MYO3A: variants seen among roughly 807,000 people sequenced by gnomAD.
MYO3A encodes myosin-IIIa.
A neutral mutation model predicts 192.7 loss-of-function variants in MYO3A; 180 were observed. That is an observed-to-expected ratio of 0.93 (90% CI 0.83 to 1.06). The LOEUF is 1.06. Ranked by LOEUF, MYO3A falls within the 50% of genes least tolerant of loss-of-function variation. The probability of loss-of-function intolerance (pLI) is 0.00; values close to 1 mark genes in which losing one functional copy is unlikely to be tolerated. For synonymous variants in MYO3A, 628 were observed against 645.3 expected (o/e 0.97, Z 0.41); for missense variants, 1,896 against 1,905.0 (o/e 1.00, Z 0.09).
chr10:25,953,864 C>A (rs1426956091), intron 3 of MYO3A, among the ~76,000 whole-genome samples: 1 of 152,060 alleles, frequency 6.6e-6, no homozygotes, highest in Non-Finnish European at 1.5e-5. Context: ...TACTCTTCAT[C>A]ATGTCACAAG....
At chr10:26,001,714 G>A (rs1161860334) in intron 6 of MYO3A, among the ~76,000 whole-genome samples, 2 of 152,200 alleles carry the variant, frequency 1.3e-5, no homozygotes, top group African/African-American at 4.8e-5. Context: ...AGGCATGGTG[G>A]TTCATGCCTA....
At chr10:26,112,593 A>G (rs888197366) in intron 17 of MYO3A, among the ~76,000 whole-genome samples, 3 of 152,162 alleles carry the variant, frequency 2.0e-5, no homozygotes, top group African/African-American at 7.2e-5. Flanking sequence ...TGACTCTCCA[A>G]TACAGTCTCT....
intron 17 of MYO3A, among the ~76,000 whole-genome samples, chr10:26,106,579 G>C (rs192494691): frequency 1.3e-5 from 2 of 151,944 alleles, no homozygotes; most frequent in African/African-American, 4.8e-5. Context: ...TCTGAGTCTA[G>C]TTTCTGATTT....
chr10:26,112,946 G>A (rs1208559599), intron 17 of MYO3A, among the ~76,000 whole-genome samples: 1 of 152,076 alleles, frequency 6.6e-6, no homozygotes, highest in Non-Finnish European at 1.5e-5. Flanking sequence ...GAATTTTCGG[G>A]GGGTTTTTTG....
intron 4 of MYO3A, among the ~76,000 whole-genome samples, chr10:25,988,453 A>G (rs527529328): frequency 6.6e-6 from 1 of 152,342 alleles, no homozygotes; most frequent in East Asian, 1.9e-4. Context: ...AAGATATGGA[A>G]CAACTAGAAC....
At chr10:26,079,611 G>C (rs1302251728) in intron 14 of MYO3A, among the ~76,000 whole-genome samples, 1 of 151,992 alleles carries the variant, frequency 6.6e-6, no homozygotes, top group Admixed American at 6.6e-5. Context: ...TGTTTCATAG[G>C]TCCTGTGTGA....
chr10:25,934,292 C>G lies in MYO3A; in HGVS notation c.-141C>G, dbSNP rs1479190966. 1 of 152,396 alleles carries G rather than the reference C, an allele frequency of 6.6e-6. No individual in the cohort carries two copies. Among genetic ancestry groups the G allele is most frequent in the Non-Finnish European group, 1.5e-5 (1 of 68,180 alleles). The allele number at this position is 152,396 out of a possible 1,614,324, so 9.4% of individuals were successfully genotyped here. A position where few individuals can be genotyped will look rare whatever the true frequency, so the allele number is the denominator to read the frequency against. On this transcript the variant is annotated 5_prime_UTR_variant, in exon 1 of 35. Transcript: ENST00000642920. ...AGGGAGCGCCCGTAGCCAGCGCCCC[C>G]GTAAAGAAATAAGGAGGCGCCCGGC...
At position 26,190,302 on chromosome 10, in the gene MYO3A, C is replaced by G. The variant is rs114072239; in HGVS notation, c.4439-2903C>G. Among the ~76,000 whole-genome samples the G allele has an allele frequency of 8.5e-3, 1,297 of 152,220 alleles. 14 individuals are homozygous for G. The highest frequency in any genetic ancestry group is 0.027 in the African/African-American group (1,141 of 41,540). ...GTCTGTAGGAAATGAAGAAGAGGCA[C>G]ACGGCAAAGGTGTTATCATTGTTTT... On this transcript the variant is annotated intron_variant, in intron 31 of 34. Transcript: ENST00000642920.
intron 20 of MYO3A, among the ~76,000 whole-genome samples, chr10:26,136,147 T>C (rs977191949): frequency 2.0e-5 from 3 of 152,204 alleles, no homozygotes; most frequent in African/African-American, 7.2e-5. Context: ...CCCAGGTGAA[T>C]TGCCAGTGCC....
intron 6 of MYO3A, among the ~76,000 whole-genome samples, chr10:26,001,059 C>A (rs940892993): frequency 6.6e-6 from 1 of 152,102 alleles, no homozygotes; most frequent in Non-Finnish European, 1.5e-5. Context: ...GAAATCTGCC[C>A]CCATGAACCA....
In MYO3A at chr10:26,016,802, T is replaced by G. The variant is rs1263458634; in HGVS notation, c.509-18T>G. The G allele has an allele frequency of 1.2e-6, 2 of 1,612,672 alleles. No individual in the cohort carries two copies. Among genetic ancestry groups the G allele is most frequent in the Non-Finnish European group, 1.7e-6 (2 of 1,178,678 alleles). ...TGAGTAATTAATGCAAAAAAGTACA[T>G]CTTGTCTCTTCCTCTAGGTGTGTCT... On this transcript the variant is annotated intron_variant, in intron 6 of 34. Transcript: ENST00000642920.
intron 17 of MYO3A, among the ~76,000 whole-genome samples, chr10:26,117,673 C>G (rs543986062): frequency 3.3e-5 from 5 of 152,308 alleles, no homozygotes; most frequent in Non-Finnish European, 5.9e-5. Flanking sequence ...GACATGATCT[C>G]ATTCTTTTCT....
Position 26,170,350 on chromosome 10 carries a change from A to G in MYO3A, c.3275-66A>G, listed in dbSNP as rs1018252262. 6 of 1,555,418 alleles carry G rather than the reference A, an allele frequency of 3.9e-6. No homozygotes were observed. The African/African-American group carries it at 8.3e-5, about 21-fold the overall frequency. On this transcript the variant is annotated intron_variant, in intron 28 of 34. Transcript: ENST00000642920. ...ATCAATGGTCAAAGCCACCATTTCTACTCTTTAAAGTAAATTTCTTTTATT... is the reference window on the plus strand; with the variant it reads ...ATCAATGGTCAAAGCCACCATTTCTGCTCTTTAAAGTAAATTTCTTTTATT...
intron 23 of MYO3A, among the ~76,000 whole-genome samples, chr10:26,148,526 C>T (rs1840605251): frequency 6.6e-6 from 1 of 152,134 alleles, no homozygotes; most frequent in Non-Finnish European, 1.5e-5. Context: ...TTGTCAATTT[C>T]TACCAAAAAT....
At chr10:26,143,869 A>G (rs2131848375) in intron 21 of MYO3A, among the ~76,000 whole-genome samples, 1 of 152,342 alleles carries the variant, frequency 6.6e-6, no homozygotes, top group Admixed American at 6.5e-5. Context: ...CACAGGTTAT[A>G]AATGACCTTA....
At chr10:26,136,440 A>G (rs1487735631) in intron 20 of MYO3A, among the ~76,000 whole-genome samples, 2 of 152,232 alleles carry the variant, frequency 1.3e-5, no homozygotes, top group Admixed American at 6.5e-5. Flanking sequence ...CTGTCACTGC[A>G]TATACCAGCC....
chr10:26,195,117 A>G (rs1843345468), intron 32 of MYO3A, among the ~76,000 whole-genome samples: 1 of 152,162 alleles, frequency 6.6e-6, no homozygotes, highest in East Asian at 1.9e-4. Flanking sequence ...GCTCTAGGCG[A>G]TCACCAATCT....
chr10:26,136,637 C>T (rs930180169), intron 20 of MYO3A, among the ~76,000 whole-genome samples: 3 of 152,120 alleles, frequency 2.0e-5, no homozygotes, highest in Non-Finnish European at 4.4e-5. Context: ...TAGAACCTGT[C>T]TATTTTTTAC....
intron 26 of MYO3A, among the ~76,000 whole-genome samples, chr10:26,158,908 C>T (rs1841312841): frequency 6.6e-6 from 1 of 152,150 alleles, no homozygotes; most frequent in Non-Finnish European, 1.5e-5. Flanking sequence ...TAATTTTCCT[C>T]CCCTCCTCCG....
Sources: allele counts gnomAD v4.1 joint callset (sites outside exome capture counted in the v4.1 genomes callset), GRCh38; gene constraint gnomAD v4.1.1; transcripts MANE v1.5; gene names NCBI Gene and HGNC (gene_info 2026-07-23, HGNC 2026-07-21).